The following VPS8 variants were observed in gnomAD, a reference collection of about 807,000 sequenced individuals.
VPS8 encodes vacuolar protein sorting-associated protein 8 homolog.
A neutral mutation model predicts 216.4 loss-of-function variants in VPS8; 129 were observed. That is an observed-to-expected ratio of 0.60 (90% confidence interval 0.52 to 0.69). The LOEUF is 0.69. Among genes scored for constraint, VPS8 ranks in the 30% least tolerant of loss-of-function variants. VPS8 has a pLI of 0.00. For synonymous variants in VPS8, 571 were observed against 565.4 expected (o/e 1.01, Z -0.14); for missense variants, 1,531 against 1,683.5 (o/e 0.91, Z 1.59).
At chr3:184,903,834 A>T (rs1471867539) in intron 25 of VPS8, among the ~76,000 whole-genome samples, 1 of 151,950 alleles carries the variant, frequency 6.6e-6, no homozygotes, top group Non-Finnish European at 1.5e-5. Flanking sequence ...GAATCTGTAC[A>T]TCAATTTTAT....
In VPS8 at chr3:185,022,355, A is replaced by C. The variant is rs1405953090; in HGVS notation, c.4003-1981A>C. 3.3e-5 allele frequency among the ~76,000 whole-genome samples: 5 copies of C among 152,198 alleles called. No individual in the cohort carries two copies. In the East Asian group the frequency reaches 9.6e-4, roughly 29 times the overall value. ...ATGGACTAACCCCTGTAAATTAATA[A>C]ATAGATATTCTGGTCTCTGTATATT... is the stretch of plus-strand genomic sequence containing the variant. On this transcript the variant is annotated intron_variant, in intron 45 of 47. Transcript: ENST00000625842.
chr3:184,944,792 C>CT (rs1289309875), intron 36 of VPS8, among the ~76,000 whole-genome samples: 1 of 152,070 alleles, frequency 6.6e-6, no homozygotes, highest in African/African-American at 2.4e-5. Flanking sequence ...AAATGAGTAA[C>CT]TTTGTCAAGG....
chr3:185,032,088 C>T (rs1012246911), intron 46 of VPS8, among the ~76,000 whole-genome samples: 4 of 151,838 alleles, frequency 2.6e-5, no homozygotes, highest in Non-Finnish European at 2.9e-5. Flanking sequence ...TGCTTGAACC[C>T]GGGAGGCGGA....
intron 45 of VPS8, 40 bp downstream of exon 45, chr3:184,999,901 CT>C: frequency 6.4e-7 from 1 of 1,567,320 alleles, no homozygotes; most frequent in South Asian, 1.2e-5. Flanking sequence ...ATGGTCTTTT[CT>C]TACCAATGTC....
chr3:185,032,124 A>G (rs952977587), intron 46 of VPS8, among the ~76,000 whole-genome samples: 2 of 152,114 alleles, frequency 1.3e-5, no homozygotes, highest in South Asian at 2.1e-4. Flanking sequence ...AGATTGCGCC[A>G]TTGCACTCTA....
chr3:184,919,758 A>C (rs746837290), intron 28 of VPS8, among the ~76,000 whole-genome samples: 33 of 152,240 alleles, frequency 2.2e-4, no homozygotes, highest in Non-Finnish European at 4.6e-4. Flanking sequence ...TCCAAATAAC[A>C]GACTGAATGA....
At chr3:184,964,055 CTAAT>C (rs1290579601) in intron 37 of VPS8, among the ~76,000 whole-genome samples, 16 of 151,660 alleles carry the variant, frequency 1.1e-4, no homozygotes, top group Non-Finnish European at 1.5e-4. Flanking sequence ...TCTTTTTTTA[CTAAT>C]TAGAGATTTT....
chr3:184,855,250 A>T (rs979950834), intron 13 of VPS8, among the ~76,000 whole-genome samples: 1 of 152,180 alleles, frequency 6.6e-6, no homozygotes, highest in African/African-American at 2.4e-5. Flanking sequence ...TCTATAATTA[A>T]CATTTACTGC....
At chr3:184,922,293 G>C (rs1248374143) in intron 29 of VPS8, 4 of 280,996 alleles carry the variant, frequency 1.4e-5, no homozygotes, top group African/African-American at 9.0e-5. Context: ...AACACTTTAT[G>C]CTTCAGTTAG....
Position 184,834,737 on chromosome 3 carries a change from G to A in VPS8, c.442G>A (p.Ala148Thr). The change falls in exon 5 of 48, where the codon GCA becomes ACA. Residue 148 changes from alanine to threonine, a missense_variant. Around this residue, in one of 3 missense-constraint regions of VPS8, gnomAD observed 199 missense variants for 182.2 expected, o/e 1.09. Coordinates refer to ENST00000625842, the MANE Select transcript of VPS8 (RefSeq NM_001009921.3). ...LKGISAQIVSAADKVDAGLPT... is the reference protein window; with the variant it reads ...LKGISAQIVSTADKVDAGLPT... ...GGGAATTTCTGCCCAGATAGTGTCT[G>A]CAGCTGTAAGTATTTTGTTCTTTTC... is the stretch of plus-strand genomic sequence containing the variant. The A allele has an allele frequency of 1.9e-6, 3 of 1,557,184 alleles. No homozygotes were observed. Among genetic ancestry groups the A allele is most frequent in the Non-Finnish European group, 2.6e-6 (3 of 1,149,514 alleles).
chr3:184,925,099 C>G, intron 30 of VPS8, 118 bp downstream of exon 30: 1 of 1,373,396 alleles, frequency 7.3e-7, no homozygotes. Context: ...CAAGGAGAGG[C>G]CTGTTCAGGT....
At chr3:184,940,154 T>G in intron 35 of VPS8, 43 bp from the exon 36 acceptor site, 1 of 1,232,098 alleles carries the variant, frequency 8.1e-7, no homozygotes, top group East Asian at 2.7e-5. Context: ...TTGAAAAATT[T>G]GTTTTAATAT....
rs1247259379 is a variant in VPS8 at position 184,812,174 on chromosome 3, G to C, written c.-140G>C. On this transcript the variant is annotated 5_prime_UTR_variant, in exon 1 of 48. Transcript: ENST00000625842. The stretch of plus-strand genomic sequence containing the variant: ...TGCGCGTGCGTGAGGCTAGAGCAGT[G>C]GGTGCGGTCACGTGGGCCGGCGGTC... 6.6e-6 allele frequency: 1 copy of C among 152,476 alleles called. No homozygotes were observed. 9.4% of individuals were successfully genotyped at this position (152,476 alleles called of 1,614,324 possible). A position where few individuals can be genotyped will look rare whatever the true frequency, so the allele number is the denominator to read the frequency against.
intron 46 of VPS8, among the ~76,000 whole-genome samples, chr3:185,047,017 C>T (rs1713073792): frequency 6.6e-6 from 1 of 152,196 alleles, no homozygotes; most frequent in Non-Finnish European, 1.5e-5. Flanking sequence ...GGGAGCTGAC[C>T]TTAGCAGCTC....
chr3:184,859,181 T>G (rs1189823752), intron 14 of VPS8, among the ~76,000 whole-genome samples: 1 of 152,208 alleles, frequency 6.6e-6, no homozygotes, highest in Non-Finnish European at 1.5e-5. Context: ...TCCTCACTAA[T>G]TGATGGGTAT....
chr3:184,983,390 A>G (rs764840772), intron 42 of VPS8, among the ~76,000 whole-genome samples: 3 of 152,170 alleles, frequency 2.0e-5, no homozygotes, highest in Non-Finnish European at 4.4e-5. Flanking sequence ...TTGGTTTGCT[A>G]ACTGGGAGGG....
At chr3:184,999,226 T>G (rs1753063498) in intron 44 of VPS8, among the ~76,000 whole-genome samples, 1 of 151,996 alleles carries the variant, frequency 6.6e-6, no homozygotes, top group South Asian at 2.1e-4. Flanking sequence ...TCCAGCTAAT[T>G]TTTTGTATTT....
intron 3 of VPS8, among the ~76,000 whole-genome samples, chr3:184,829,880 T>G (rs1228937706): frequency 1.3e-5 from 2 of 152,182 alleles, no homozygotes; most frequent in East Asian, 3.8e-4. Flanking sequence ...TTTAAGTGAT[T>G]TATAGGAGTT....
intron 21 of VPS8, among the ~76,000 whole-genome samples, chr3:184,881,562 A>C (rs1318553412): frequency 6.6e-6 from 1 of 152,112 alleles, no homozygotes; most frequent in East Asian, 1.9e-4. Flanking sequence ...TAGCTGTGTA[A>C]GTCTTGAAAT....
Sources: gnomAD v4.1 joint callset for allele counts (sites outside exome capture counted in the v4.1 genomes callset) on GRCh38, gnomAD v4.1.1 for gene constraint, gnomAD v4.1.1 regional missense constraint, MANE v1.5 for transcripts, NCBI Gene and HGNC (gene_info 2026-07-23, HGNC 2026-07-21) for gene names.